Variants in IL1RL2 observed in about 807,000 individuals in gnomAD.
IL1RL2 encodes interleukin-1 receptor-like 2.
In IL1RL2, 68 loss-of-function variants were observed where a neutral mutation model predicts 66.8. The ratio of observed to expected loss-of-function variants is 1.02; its 90% CI spans 0.84 to 1.25. IL1RL2 has a LOEUF of 1.25. Ranked by LOEUF, IL1RL2 falls within the 50% of genes most tolerant of loss-of-function variation. The probability of loss-of-function intolerance (pLI) is 0.00; values close to 1 mark genes in which losing one functional copy is unlikely to be tolerated. For missense variants in IL1RL2, 729 were observed against 709.3 expected, an observed-to-expected ratio of 1.03 and a Z score of -0.32; for synonymous variants, 305 against 264.6, an observed-to-expected ratio of 1.15 and a Z score of -1.48.
chr2:102,216,237 A>G (rs1210324978), intron 6 of IL1RL2, among the ~76,000 whole-genome samples: 4 of 152,244 alleles, frequency 2.6e-5, no homozygotes, highest in Non-Finnish European at 5.9e-5. Flanking sequence ...AATTCAATGA[A>G]TGAAATAAAT....
At position 102,233,023 on chromosome 2, in the gene IL1RL2, A is replaced by G; in HGVS notation, c.1196A>G (p.His399Arg). ...YPKPHKESQR[H>R]AVDALVLNIL... ...AAGCCCCACAAGGAAAGCCAGAGGC[A>G]TGCCGTGGATGCCCTGGTGTTGAAT... The change falls in exon 10 of 12, where the codon CAT becomes CGT. Residue 399 changes from histidine (H) to arginine (R), a missense_variant. Coordinates refer to ENST00000264257, the MANE Select transcript of IL1RL2 (RefSeq NM_003854.4). The G allele has an allele frequency of 6.2e-7, 1 of 1,614,202 alleles. No homozygotes were observed. The highest frequency in any genetic ancestry group is 1.1e-5 in the South Asian group (1 of 91,086).
Position 102,219,166 on chromosome 2 carries a change from C to T in IL1RL2, c.854+84C>T, listed in dbSNP as rs1689874901. The T allele has an allele frequency of 5.4e-5, 80 of 1,475,144 alleles. No individual in the cohort carries two copies. In the South Asian group the frequency reaches 8.8e-4, roughly 16 times the overall value. 91.4% of individuals were successfully genotyped at this position (1,475,144 alleles called of 1,614,324 possible). ...GAATCTGGTATCACTACTGCCTTCT[C>T]CTCTTGTTTTTGCCTCTCAATGATT... On this transcript the variant is annotated intron_variant, in intron 7 of 11. Coordinates refer to ENST00000264257, the MANE Select transcript of IL1RL2 (RefSeq NM_003854.4).
intron 6 of IL1RL2, among the ~76,000 whole-genome samples, chr2:102,218,173 T>TC (rs1689773409): frequency 1.3e-5 from 2 of 152,164 alleles, no homozygotes; most frequent in South Asian, 2.1e-4. Context: ...TCAGACAATA[T>TC]CCTGTTTTCT....
At chr2:102,238,760 G>A (rs1359975067) in intron 11 of IL1RL2, among the ~76,000 whole-genome samples, 2 of 152,118 alleles carry the variant, frequency 1.3e-5, no homozygotes, top group African/African-American at 4.8e-5. Flanking sequence ...GAATGTTAGA[G>A]GCCACACATC....
chr2:102,238,464 T>A (rs1272146598), intron 11 of IL1RL2, among the ~76,000 whole-genome samples: 1 of 152,210 alleles, frequency 6.6e-6, no homozygotes, highest in Non-Finnish European at 1.5e-5. Context: ...ATATGGAATG[T>A]GCTCAGGGAG....
chr2:102,214,987 G>A (rs540625614), intron 6 of IL1RL2, among the ~76,000 whole-genome samples: 24 of 145,166 alleles, frequency 1.7e-4, no homozygotes, highest in East Asian at 1.4e-3. Flanking sequence ...AGAGAGGGGA[G>A]GAAATCACCC....
intron 2 of IL1RL2, among the ~76,000 whole-genome samples, chr2:102,188,445 G>T (rs1447923432): frequency 7.9e-5 from 12 of 151,906 alleles, no homozygotes; most frequent in East Asian, 7.8e-4. Flanking sequence ...AAAATTAGCC[G>T]GGCGCGGTGG....
In IL1RL2 at chr2:102,225,078, G is replaced by T. The variant is rs1020110127; in HGVS notation, c.992-820G>T. ...TTTCTAATTCTTTCCTTCCTAGAGG[G>T]TCTTCTTTGGTGGTATGGGTTTGGG... On this transcript the variant is annotated intron_variant, in intron 8 of 11. Transcript: ENST00000264257. Among the ~76,000 whole-genome samples the T allele has an allele frequency of 4.6e-5, 7 of 152,138 alleles. No individual in the cohort carries two copies. The East Asian group carries it at 5.8e-4, about 13-fold the overall frequency.
At chr2:102,198,742 T>A (rs1378358165) in intron 4 of IL1RL2, among the ~76,000 whole-genome samples, 1 of 152,210 alleles carries the variant, frequency 6.6e-6, no homozygotes, top group Non-Finnish European at 1.5e-5. Context: ...AGGTTCCCCA[T>A]GGTTTCAGCT....
chr2:102,191,058 T>G (rs1292757477), intron 3 of IL1RL2, among the ~76,000 whole-genome samples: 1 of 152,186 alleles, frequency 6.6e-6, no homozygotes, highest in Non-Finnish European at 1.5e-5. Flanking sequence ...AGATTCCTCG[T>G]TTTTAAGAAT....
intron 9 of IL1RL2, among the ~76,000 whole-genome samples, chr2:102,232,112 T>TA (rs1691189737): frequency 8.1e-6 from 1 of 123,662 alleles, no homozygotes; most frequent in Non-Finnish European, 1.7e-5. Flanking sequence ...ATCCTTGAAC[T>TA]CTTTTTTTTT....
chr2:102,189,341 C>A (rs1559524573), intron 3 of IL1RL2, 31 bp downstream of exon 3: 1 of 1,320,270 alleles, frequency 7.6e-7, no homozygotes, highest in South Asian at 1.3e-5. Context: ...AGAACTAACT[C>A]GTGTGTGTAT....
chr2:102,206,748 G>T lies in IL1RL2; in HGVS notation c.649+5033G>T, dbSNP rs561287355. Reference sequence around the variant, plus strand: ...CACTCCCTGGCTACTGCTTATGTTTGCTTTAGGCCCTGGTGCTCTACAATC... The same window carrying T: ...CACTCCCTGGCTACTGCTTATGTTTTCTTTAGGCCCTGGTGCTCTACAATC... On this transcript the variant is annotated intron_variant, in intron 5 of 11. Coordinates refer to ENST00000264257, the MANE Select transcript of IL1RL2 (RefSeq NM_003854.4). Among the ~76,000 whole-genome samples the T allele has an allele frequency of 1.9e-3, 294 of 152,322 alleles. 2 individuals carry two copies. Among genetic ancestry groups the T allele is most frequent in the African/African-American group, 6.1e-3 (252 of 41,582 alleles).
chr2:102,234,044 G>A (rs1239440087), intron 10 of IL1RL2, among the ~76,000 whole-genome samples: 1 of 152,084 alleles, frequency 6.6e-6, no homozygotes, highest in African/African-American at 2.4e-5. Context: ...ACTGTAGACT[G>A]AATAGCATCT....
chr2:102,236,381 C>G (rs1281303968), intron 11 of IL1RL2, among the ~76,000 whole-genome samples: 10 of 152,098 alleles, frequency 6.6e-5, no homozygotes, highest in Non-Finnish European at 8.8e-5. Context: ...TTAGGAGGTG[C>G]TGTGCCCTCG....
At chr2:102,194,571 A>G (rs1183997542) in intron 4 of IL1RL2, among the ~76,000 whole-genome samples, 1 of 152,176 alleles carries the variant, frequency 6.6e-6, no homozygotes, top group African/African-American at 2.4e-5. Context: ...ATACCTGACA[A>G]CACATGGTAC....
intron 5 of IL1RL2, among the ~76,000 whole-genome samples, chr2:102,204,944 G>A (rs973579599): frequency 2.0e-5 from 3 of 151,452 alleles, no homozygotes; most frequent in Admixed American, 1.3e-4. Context: ...TTTCCTTCCT[G>A]TCTTCTTTTA....
In IL1RL2 at chr2:102,219,981, GGAGT is replaced by G; in HGVS notation, c.957_960del (p.Val320ProfsTer18). On this transcript the variant is annotated frameshift_variant, in exon 8 of 12. Coordinates refer to ENST00000264257, the MANE Select transcript of IL1RL2 (RefSeq NM_003854.4). LOFTEE classifies it high-confidence loss of function. The stretch of plus-strand genomic sequence containing the variant: ...TGGCCTTCCTTTCATGTGCCACGCT[GGAGT>G]GTCCACAGCATACATTATATTACAG... 1.2e-6 allele frequency: 2 copies of G among 1,613,810 alleles called. No homozygotes were observed. Among genetic ancestry groups the G allele is most frequent in the Non-Finnish European group, 1.7e-6 (2 of 1,179,814 alleles).
intron 4 of IL1RL2, among the ~76,000 whole-genome samples, chr2:102,195,637 CTCTCTCTCTCTTTCTT>C (rs1687682610): frequency 3.3e-5 from 1 of 30,354 alleles, no homozygotes; most frequent in African/African-American, 8.2e-5. Context: ...TTCTCTCTCT[CTCTCTCTCTCTTTCTT>C]TCTTTCTTTC....
Sources: allele counts gnomAD v4.1 joint callset (sites outside exome capture counted in the v4.1 genomes callset), GRCh38; gene constraint gnomAD v4.1.1; transcripts MANE v1.5; gene names NCBI Gene and HGNC (gene_info 2026-07-23, HGNC 2026-07-21).